The following METTL25 variants were observed in gnomAD, a reference collection of about 807,000 sequenced individuals.
METTL25 encodes probable methyltransferase-like protein 25.
METTL25 carries 64 observed loss-of-function variants against 71.6 expected under a neutral mutation model. That is an observed-to-expected ratio of 0.89 (90% CI 0.73 to 1.10). The LOEUF (loss-of-function observed/expected upper bound fraction) is 1.10, where lower values mean the gene tolerates loss of function less well. Ranked by LOEUF, METTL25 falls within the 50% of genes least tolerant of loss-of-function variation. METTL25 has a pLI of 0.00. For missense variants in METTL25, 807 were observed against 707.0 expected (o/e 1.14, Z -1.60); for synonymous variants, 287 against 250.3 (o/e 1.15, Z -1.38).
chr12:82,466,279 A>G (rs1892224970), intron 9 of METTL25, among the ~76,000 whole-genome samples: 1 of 147,866 alleles, frequency 6.8e-6, no homozygotes, highest in Non-Finnish European at 1.5e-5. Context: ...AGGTTTTGGT[A>G]TGTTATGTTT....
intron 6 of METTL25, among the ~76,000 whole-genome samples, chr12:82,433,714 A>G (rs933900211): frequency 3.3e-4 from 50 of 151,692 alleles, no homozygotes; most frequent in African/African-American, 1.2e-3. Context: ...TTATGAAAAG[A>G]TATTGTAAAT....
chr12:82,474,296 C>T (rs1892752939), intron 9 of METTL25, among the ~76,000 whole-genome samples: 1 of 152,164 alleles, frequency 6.6e-6, no homozygotes, highest in Non-Finnish European at 1.5e-5. Context: ...CTAGGTGTCT[C>T]CAAGCTGCCC....
Position 82,478,925 on chromosome 12 carries a change from T to G in METTL25, c.1720-7T>G. ...GTTGTATATCTAAATCACTTATTAA[T>G]TTACAGGAAGATATTGCATGGTCTG... On this transcript the variant is annotated splice_polypyrimidine_tract_variant and splice_region_variant and intron_variant, in intron 11 of 11. Coordinates refer to ENST00000248306, the MANE Select transcript of METTL25 (RefSeq NM_032230.3). 1 of 1,607,616 alleles carries G rather than the reference T, an allele frequency of 6.2e-7. No individual in the cohort carries two copies. Among genetic ancestry groups the G allele is most frequent in the Non-Finnish European group, 8.5e-7 (1 of 1,175,370 alleles).
intron 1 of METTL25, among the ~76,000 whole-genome samples, chr12:82,359,733 C>A (rs1881563484): frequency 6.6e-6 from 1 of 152,166 alleles, no homozygotes; most frequent in Non-Finnish European, 1.5e-5. Context: ...GTAGATTCTT[C>A]TCAGGCAAGC....
intron 1 of METTL25, among the ~76,000 whole-genome samples, chr12:82,361,502 G>A (rs1406866681): frequency 1.3e-5 from 2 of 152,048 alleles, no homozygotes; most frequent in Non-Finnish European, 2.9e-5. Context: ...CTACGCAGGA[G>A]CCCACGGTGG....
chr12:82,432,812 G>A (rs189685932), intron 6 of METTL25, among the ~76,000 whole-genome samples: 9 of 143,406 alleles, frequency 6.3e-5, no homozygotes, highest in Non-Finnish European at 1.2e-4. Context: ...ATTGCCTTTC[G>A]CTCCATAACT....
At chr12:82,407,970 A>G in intron 5 of METTL25, 1 of 985,016 alleles carries the variant, frequency 1.0e-6, no homozygotes, top group Non-Finnish European at 1.2e-6. Context: ...ATCCCATGAA[A>G]TTTTTATAAC....
chr12:82,477,355 A>G lies in METTL25; in HGVS notation c.1719+3A>G, dbSNP rs764799900. On this transcript the variant is annotated splice_donor_region_variant and intron_variant, in intron 11 of 11. Transcript: ENST00000248306. ...GACTTTGTTACCTGAAAGAGCAGGT[A>G]AATTATGTTATTTTAAAATACACAA... The G allele has an allele frequency of 6.7e-7, 1 of 1,487,942 alleles. No individual in the cohort carries two copies. The highest frequency in any genetic ancestry group is 1.3e-5 in the South Asian group (1 of 79,926). The allele number at this position is 1,487,942 out of a possible 1,614,324, so 92.2% of individuals were successfully genotyped here.
chr12:82,402,625 T>C (rs139415592), intron 4 of METTL25, among the ~76,000 whole-genome samples: 3,075 of 152,322 alleles, frequency 0.02, 94 homozygotes, highest in African/African-American at 0.069. Flanking sequence ...TAGAATTTGA[T>C]AATTATTAAC....
At chr12:82,474,399 AT>A (rs1449105196) in intron 9 of METTL25, 1 of 152,224 alleles carries the variant, frequency 6.6e-6, no homozygotes, top group Non-Finnish European at 1.5e-5. Context: ...TCATCTGTAT[AT>A]TCATTGCCTT....
chr12:82,372,472 C>T (rs1883340149), intron 1 of METTL25, among the ~76,000 whole-genome samples: 3 of 152,134 alleles, frequency 2.0e-5, no homozygotes, highest in Admixed American at 1.3e-4. Context: ...GCAAGCTTTG[C>T]ATAGTTGTGT....
At chr12:82,380,810 C>T (rs1455664693) in intron 1 of METTL25, among the ~76,000 whole-genome samples, 1 of 152,188 alleles carries the variant, frequency 6.6e-6, no homozygotes, top group Non-Finnish European at 1.5e-5. Context: ...AATAAAGACT[C>T]AGAGGGTGAT....
intron 8 of METTL25, among the ~76,000 whole-genome samples, chr12:82,455,196 C>T (rs745531977): frequency 6.6e-6 from 1 of 151,442 alleles, no homozygotes; most frequent in Non-Finnish European, 1.5e-5. Context: ...CTTTTTTAAG[C>T]TGAGCAGCAG....
At chr12:82,384,608 C>CT (rs2136933233) in intron 1 of METTL25, among the ~76,000 whole-genome samples, 1 of 148,426 alleles carries the variant, frequency 6.7e-6, no homozygotes, top group South Asian at 2.1e-4. Flanking sequence ...AGAAAACTAC[C>CT]CTTTTTTAAA....
intron 3 of METTL25, among the ~76,000 whole-genome samples, chr12:82,394,222 G>T (rs1451752825): frequency 2.0e-5 from 3 of 152,028 alleles, no homozygotes; most frequent in Non-Finnish European, 4.4e-5. Flanking sequence ...CCATAGTGCA[G>T]ATTATGTCTG....
At chr12:82,472,598 G>GA in intron 9 of METTL25, among the ~76,000 whole-genome samples, 1 of 151,766 alleles carries the variant, frequency 6.6e-6, no homozygotes, top group Non-Finnish European at 1.5e-5. Context: ...ACTCCGTCTC[G>GA]AAAAAAAATT....
At chr12:82,387,402 GATA>G (rs1885146439) in intron 2 of METTL25, among the ~76,000 whole-genome samples, 1 of 151,760 alleles carries the variant, frequency 6.6e-6, no homozygotes, top group Non-Finnish European at 1.5e-5. Context: ...AAACAAATAT[GATA>G]ATGTGGTAGA....
At chr12:82,397,218 G>C (rs1886158171) in intron 3 of METTL25, among the ~76,000 whole-genome samples, 1 of 152,042 alleles carries the variant, frequency 6.6e-6, no homozygotes, top group Non-Finnish European at 1.5e-5. Flanking sequence ...ATCTCACTGT[G>C]GTGGTTGTTT....
intron 1 of METTL25, among the ~76,000 whole-genome samples, chr12:82,373,390 T>C (rs576057356): frequency 1.2e-4 from 18 of 152,300 alleles, no homozygotes; most frequent in African/African-American, 4.3e-4. Context: ...AATGGGGCTT[T>C]GGGCAAAAAT....
Sources: allele counts gnomAD v4.1 joint callset (sites outside exome capture counted in the v4.1 genomes callset), GRCh38; gene constraint gnomAD v4.1.1; transcripts MANE v1.5; gene names NCBI Gene and HGNC (gene_info 2026-07-23, HGNC 2026-07-21).